Variants in CACNA1E observed in about 807,000 individuals in gnomAD.
The protein encoded by CACNA1E is voltage-dependent R-type calcium channel subunit alpha-1E.
CACNA1E carries 40 observed loss-of-function variants against 259.2 expected under a neutral mutation model. That is an observed-to-expected ratio of 0.15 (90% confidence interval 0.12 to 0.20). CACNA1E has a LOEUF of 0.20. Ranked by LOEUF, CACNA1E falls within the 10% of genes least tolerant of loss-of-function variation. CACNA1E has a pLI of 1.00. For missense variants in CACNA1E, 1,874 were observed against 3,040.1 expected, an observed-to-expected ratio of 0.62 and a Z score of 9.02; for synonymous variants, 1,104 against 1,138.5, an observed-to-expected ratio of 0.97 and a Z score of 0.61.
intron 3 of CACNA1E, among the ~76,000 whole-genome samples, chr1:181,513,970 C>G (rs1050056024): frequency 1.3e-5 from 2 of 152,202 alleles, no homozygotes; most frequent in African/African-American, 2.4e-5. Flanking sequence ...TGCTCCTGCT[C>G]CTCCTCCAGA....
At position 181,720,218 on chromosome 1, in the gene CACNA1E, C is replaced by T; in HGVS notation, c.1764C>T (p.Ser588=). ...CTGGGTTTTGTAGGTATTGGGCTTC[C>T]CTACGGAATTTGGTGGTCTCCTTGA... ...RIFKITKYWA[S]LRNLVVSLMS... is the part of the protein sequence containing the mutation. Residue 588 remains serine, a synonymous_variant, in exon 14 of 48, where the codon TCC becomes TCT. Coordinates refer to ENST00000367573, the MANE Select transcript of CACNA1E (RefSeq NM_001205293.3). The T allele has an allele frequency of 6.2e-7, 1 of 1,613,902 alleles. No homozygotes were observed. Among genetic ancestry groups the T allele is most frequent in the Non-Finnish European group, 8.5e-7 (1 of 1,179,856 alleles).
At chr1:181,321,252 G>T (rs1650318760) in intron 1 of CACNA1E, among the ~76,000 whole-genome samples, 1 of 152,180 alleles carries the variant, frequency 6.6e-6, no homozygotes, top group African/African-American at 2.4e-5. Flanking sequence ...ATGAGATTTG[G>T]AAGGGATGAA....
intron 3 of CACNA1E, among the ~76,000 whole-genome samples, chr1:181,551,722 C>A (rs948815240): frequency 4.6e-5 from 7 of 152,104 alleles, no homozygotes; most frequent in African/African-American, 7.2e-5. Context: ...TCAACACCTT[C>A]AACAACATCC....
chr1:181,462,088 G>T (rs550181229), intron 2 of CACNA1E, among the ~76,000 whole-genome samples: 1 of 152,208 alleles, frequency 6.6e-6, no homozygotes, highest in South Asian at 2.1e-4. Flanking sequence ...TTTACCATGT[G>T]ATTTTGAATA....
At chr1:181,444,797 C>T (rs532447566) in intron 2 of CACNA1E, among the ~76,000 whole-genome samples, 2 of 152,234 alleles carry the variant, frequency 1.3e-5, no homozygotes, top group South Asian at 4.1e-4. Flanking sequence ...CTCAGGAGCT[C>T]AGAATGTGAT....
At chr1:181,385,403 T>G (rs1386580262) in intron 1 of CACNA1E, among the ~76,000 whole-genome samples, 1 of 152,268 alleles carries the variant, frequency 6.6e-6, no homozygotes, top group African/African-American at 2.4e-5. Flanking sequence ...AGGTGATGCC[T>G]GTGTTCAGCT....
chr1:181,796,613 A>G, intron 46 of CACNA1E, 55 bp from the exon 47 acceptor site: 7 of 1,319,800 alleles, frequency 5.3e-6, no homozygotes, highest in East Asian at 2.5e-5. Flanking sequence ...TCCCTTCATC[A>G]TCATTGGTCA....
chr1:181,429,779 A>C (rs144602157), intron 2 of CACNA1E, among the ~76,000 whole-genome samples: 2 of 152,356 alleles, frequency 1.3e-5, no homozygotes, highest in African/African-American at 4.8e-5. Flanking sequence ...CTGCTTTTAA[A>C]AAATATGGGT....
rs572716684 is a variant in CACNA1E, at chr1:181,508,391, A to G, written c.267-2086A>G. Among the ~76,000 whole-genome samples, 4 of 152,322 alleles carry G rather than the reference A, an allele frequency of 2.6e-5. No individual in the cohort carries two copies. The South Asian group carries it at 8.3e-4, about 32-fold the overall frequency. On this transcript the variant is annotated intron_variant, in intron 1 of 47. Transcript: ENST00000367573. ...GTCAGTGACTTGTATGCGTGTTGCC[A>G]GTTCTCTTTCTGGATCCATCGCCCA...
At chr1:181,374,360 C>T (rs191249089) in intron 1 of CACNA1E, among the ~76,000 whole-genome samples, 8 of 150,134 alleles carry the variant, frequency 5.3e-5, no homozygotes, top group Admixed American at 4.6e-4. Flanking sequence ...CACTGTTGTC[C>T]AAGACAGTAC....
chr1:181,346,102 G>C (rs564719748), intron 1 of CACNA1E, among the ~76,000 whole-genome samples: 2 of 152,354 alleles, frequency 1.3e-5, no homozygotes, highest in African/African-American at 4.8e-5. Flanking sequence ...CAGGACGGCA[G>C]GAGTGCTGGG....
chr1:181,706,199 A>G (rs1231547300), intron 7 of CACNA1E, among the ~76,000 whole-genome samples: 1 of 152,152 alleles, frequency 6.6e-6, no homozygotes, highest in Non-Finnish European at 1.5e-5. Flanking sequence ...ATAAATTAAG[A>G]TATTCATAGT....
intron 26 of CACNA1E, among the ~76,000 whole-genome samples, chr1:181,751,249 G>A (rs1223050782): frequency 1.5e-5 from 2 of 137,410 alleles, no homozygotes; most frequent in African/African-American, 5.5e-5. Flanking sequence ...AAATGTATTT[G>A]TTCATTTTAT....
chr1:181,379,161 A>G (rs1655295740), intron 1 of CACNA1E, among the ~76,000 whole-genome samples: 1 of 152,234 alleles, frequency 6.6e-6, no homozygotes, highest in Non-Finnish European at 1.5e-5. Flanking sequence ...CAATAAAAAT[A>G]TGCAAAGTAA....
chr1:181,756,604 T>C (rs547071038), intron 29 of CACNA1E, among the ~76,000 whole-genome samples: 2 of 152,168 alleles, frequency 1.3e-5, no homozygotes, highest in Admixed American at 6.5e-5. Flanking sequence ...AAGACACCAC[T>C]CTCTAGTGGC....
At chr1:181,689,246 C>G (rs1034485122) in intron 7 of CACNA1E, among the ~76,000 whole-genome samples, 10 of 151,892 alleles carry the variant, frequency 6.6e-5, no homozygotes, top group African/African-American at 2.4e-4. Flanking sequence ...GTTTTCTGTT[C>G]TTGTGTTAGT....
chr1:181,620,802 G>C (rs1423939571), intron 6 of CACNA1E, among the ~76,000 whole-genome samples: 1 of 152,194 alleles, frequency 6.6e-6, no homozygotes, highest in Non-Finnish European at 1.5e-5. Context: ...GTCAGGAAAG[G>C]CTCATTCACA....
chr1:181,349,340 G>T (rs1015931188), intron 1 of CACNA1E, among the ~76,000 whole-genome samples: 49 of 152,234 alleles, frequency 3.2e-4, no homozygotes, highest in Non-Finnish European at 5.1e-4. Flanking sequence ...ACTGTGTACT[G>T]GGCTGGGGAG....
At chr1:181,630,394 C>G (rs1320362339) in intron 6 of CACNA1E, among the ~76,000 whole-genome samples, 1 of 151,242 alleles carries the variant, frequency 6.6e-6, no homozygotes, top group Non-Finnish European at 1.5e-5. Flanking sequence ...GCCCCCCCAC[C>G]CCGCCTTAAA....
Sources: allele counts gnomAD v4.1 joint callset (sites outside exome capture counted in the v4.1 genomes callset), GRCh38; gene constraint gnomAD v4.1.1; transcripts MANE v1.5; gene names NCBI Gene and HGNC (gene_info 2026-07-23, HGNC 2026-07-21).